Variants in ADPRHL1 observed in about 807,000 individuals in gnomAD.
ADPRHL1 encodes ADP-ribosylhydrolase like 1.
In ADPRHL1, 43 loss-of-function variants were observed where a neutral mutation model predicts 44.1. That is an observed-to-expected ratio of 0.98 (90% CI 0.76 to 1.26). The LOEUF is 1.26. Ranked by LOEUF, ADPRHL1 falls within the 50% of genes most tolerant of loss-of-function variation. ADPRHL1 has a pLI of 0.00. For synonymous variants in ADPRHL1, 878 were observed against 1,017.4 expected, an observed-to-expected ratio of 0.86 and a Z score of 2.61; for missense variants, 2,022 against 2,496.9, an observed-to-expected ratio of 0.81 and a Z score of 4.05.
intron 1 of ADPRHL1, among the ~76,000 whole-genome samples, chr13:113,452,421 A>C (rs1252072565): frequency 6.6e-6 from 1 of 152,206 alleles, no homozygotes; most frequent in Non-Finnish European, 1.5e-5. Context: ...GAGTGAACGC[A>C]TAAGTGAGAT....
intron 7 of ADPRHL1, among the ~76,000 whole-genome samples, chr13:113,419,825 T>C (rs1021378128): frequency 1.3e-5 from 2 of 152,240 alleles, no homozygotes; most frequent in African/African-American, 4.8e-5. Flanking sequence ...ACATATACCA[T>C]GCTTCCTGTT....
chr13:113,405,766 G>A lies in ADPRHL1; in HGVS notation c.3516C>T (p.His1172=), dbSNP rs529870741. The change falls in exon 8 of 8, where the codon CAC becomes CAT. Residue 1172 remains histidine, a synonymous_variant. Coordinates refer to ENST00000612156, the MANE Select transcript of ADPRHL1 (RefSeq NM_001394807.1). ...GEALPRDPHS[H]GLLAPGGSLE... ...AGGATCCCCCAGGGGCCAGGAGGCC[G>A]TGGCTGTGAGGGTCTCGAGGGAGAG... 1.5e-5 allele frequency: 18 copies of A among 1,231,820 alleles called. No individual in the cohort carries two copies. The South Asian group carries it at 2.9e-4, about 20-fold the overall frequency. 76.3% of individuals were successfully genotyped at this position (1,231,820 alleles called of 1,614,324 possible).
chr13:113,450,800 C>T (rs1444704502), intron 1 of ADPRHL1, among the ~76,000 whole-genome samples: 1 of 152,196 alleles, frequency 6.6e-6, no homozygotes, highest in Non-Finnish European at 1.5e-5. Context: ...CAGGATGGAA[C>T]ATGAAGGCAG....
intron 3 of ADPRHL1, among the ~76,000 whole-genome samples, chr13:113,430,023 T>C (rs369385519): frequency 5.3e-5 from 8 of 152,330 alleles, no homozygotes; most frequent in Admixed American, 6.5e-5. Flanking sequence ...TGGGGAAAGA[T>C]GGAGCCAGCG....
intron 7 of ADPRHL1, among the ~76,000 whole-genome samples, chr13:113,408,437 C>A (rs1182648274): frequency 2.0e-5 from 3 of 152,152 alleles, no homozygotes; most frequent in Non-Finnish European, 4.4e-5. Flanking sequence ...GTCACTGTTT[C>A]CTGTTAAATG....
chr13:113,422,746 A>T, intron 7 of ADPRHL1, 80 bp downstream of exon 7: 1 of 1,566,750 alleles, frequency 6.4e-7, no homozygotes, highest in Non-Finnish European at 8.7e-7. Context: ...AGACACCCTC[A>T]CCCAGGGGCT....
chr13:113,444,539 C>T lies in ADPRHL1; in HGVS notation c.265G>A (p.Glu89Lys). ...CGTTCTGGAAGCTTCTCAACGATTT[C>T]CACATAGCATCTCACCATCTCCCGG... The part of the protein sequence containing the change: ...LYREMVRCYV[E>K]IVEKLPERRP... The change falls in exon 2 of 8, where the codon GAA becomes AAA. Residue 89 changes from glutamate to lysine, a missense_variant. Coordinates refer to ENST00000612156, the MANE Select transcript of ADPRHL1 (RefSeq NM_001394807.1). The T allele has an allele frequency of 6.2e-7, 1 of 1,614,194 alleles. No individual in the cohort carries two copies. Among genetic ancestry groups the T allele is most frequent in the Non-Finnish European group, 8.5e-7 (1 of 1,180,046 alleles).
At chr13:113,433,673 G>A (rs975841045) in intron 3 of ADPRHL1, 69 bp downstream of exon 3, 3 of 1,468,574 alleles carry the variant, frequency 2.0e-6, no homozygotes, top group Non-Finnish European at 2.7e-6. Flanking sequence ...CACTTAACCT[G>A]TGAGGTGGTT....
rs536517192 is a variant in ADPRHL1, at chr13:113,441,076, C to T, written c.379+3349G>A. On this transcript the variant is annotated intron_variant, in intron 2 of 7. Coordinates refer to ENST00000612156, the MANE Select transcript of ADPRHL1 (RefSeq NM_001394807.1). The surrounding 1 kb of genome is among the most constrained non-coding windows in gnomAD (Gnocchi z 6.0). ...GTGGAGGCAGGAGAATCAGCTGAAC[C>T]CGGGAAGTAGAGGTTGCAGTGAGCC... 6.6e-6 allele frequency among the ~76,000 whole-genome samples: 1 copy of T among 152,062 alleles called. No homozygotes were observed. Among genetic ancestry groups the T allele is most frequent in the African/African-American group, 2.4e-5 (1 of 41,386 alleles).
intron 6 of ADPRHL1, 130 bp from the exon 7 acceptor site, chr13:113,423,109 C>G (rs761644196): frequency 8.3e-6 from 11 of 1,326,572 alleles, no homozygotes; most frequent in Non-Finnish European, 1.1e-5. Flanking sequence ...AAGGGACAGG[C>G]AGGCCAGCGC....
At chr13:113,417,239 G>A (rs1362431278) in intron 7 of ADPRHL1, among the ~76,000 whole-genome samples, 3 of 152,292 alleles carry the variant, frequency 2.0e-5, no homozygotes, top group African/African-American at 7.2e-5. Context: ...CCAATCTGCA[G>A]GCTGGTCATG....
chr13:113,413,550 C>A (rs2043871101), intron 7 of ADPRHL1, among the ~76,000 whole-genome samples: 1 of 152,236 alleles, frequency 6.6e-6, no homozygotes, highest in African/African-American at 2.4e-5. Context: ...TCGGGGCCTT[C>A]ACTTGCTGTG....
chr13:113,452,030 G>T (rs920426716), intron 1 of ADPRHL1, among the ~76,000 whole-genome samples: 2 of 152,148 alleles, frequency 1.3e-5, no homozygotes, highest in African/African-American at 4.8e-5. Flanking sequence ...TGGTATGAGC[G>T]CACACACGGC....
At chr13:113,422,786 A>T in intron 7 of ADPRHL1, 40 bp downstream of exon 7, 5 of 1,611,162 alleles carry the variant, frequency 3.1e-6, no homozygotes, top group Non-Finnish European at 4.2e-6. Flanking sequence ...CCCGGGGTGG[A>T]ATCGGCTCTC....
chr13:113,441,592 C>G lies in ADPRHL1; in HGVS notation c.379+2833G>C, dbSNP rs1329384773. ...TCTACTTATATTTTATAAACCATAC[C>G]GTTCATTATTATTTTTAAGTCAATT... On this transcript the variant is annotated intron_variant, in intron 2 of 7. Transcript: ENST00000612156. The surrounding 1 kb of genome is among the most constrained non-coding windows in gnomAD (Gnocchi z 6.0). Among the ~76,000 whole-genome samples, 2 of 152,074 alleles carry G rather than the reference C, an allele frequency of 1.3e-5. No homozygotes were observed. The highest frequency in any genetic ancestry group is 4.8e-5 in the African/African-American group (2 of 41,386).
chr13:113,429,203 G>A (rs552741671), intron 3 of ADPRHL1, 111 bp from the exon 4 acceptor site: 28 of 1,410,864 alleles, frequency 2.0e-5, no homozygotes, highest in African/African-American at 2.9e-5. Context: ...CTCGTTTTCC[G>A]TCTTTCCCAT....
intron 7 of ADPRHL1, among the ~76,000 whole-genome samples, chr13:113,415,770 A>AAAAAAAAAAAG (rs1555325970): frequency 4.1e-4 from 54 of 132,854 alleles, no homozygotes; most frequent in African/African-American, 1.5e-3. Context: ...AAAAAAAAAA[A>AAAAAAAAAAAG]AGAGAGAGAG....
In ADPRHL1 at chr13:113,404,594, T is replaced by C; in HGVS notation, c.4688A>G (p.Glu1563Gly). 7.8e-7 allele frequency: 1 copy of C among 1,288,962 alleles called. No individual in the cohort carries two copies. Among genetic ancestry groups the C allele is most frequent in the Non-Finnish European group, 9.8e-7 (1 of 1,022,446 alleles). The allele number at this position is 1,288,962 out of a possible 1,614,324, so 79.8% of individuals were successfully genotyped here. Residue 1563 changes from glutamate (E) to glycine (G), a missense_variant, in exon 8 of 8, where the codon GAG (glutamate) becomes GGG (glycine). This residue lies in a region of ADPRHL1 where 32 missense variants were observed against 72.6 expected (regional missense o/e 0.44). Coordinates refer to ENST00000612156, the MANE Select transcript of ADPRHL1 (RefSeq NM_001394807.1). Reference protein sequence around the residue: ...QEQAQWQTQIEAQGQAQEPAQ... With the variant: ...QEQAQWQTQIGAQGQAQEPAQ... ...TGGTTCCTGTGCCTGCCCCTGGGCCTCTATCTGGGTCTGCCACTGGGCCTG... is the reference window on the plus strand; with the variant it reads ...TGGTTCCTGTGCCTGCCCCTGGGCCCCTATCTGGGTCTGCCACTGGGCCTG...
At chr13:113,418,539 G>A (rs1277444655) in intron 7 of ADPRHL1, among the ~76,000 whole-genome samples, 1 of 152,192 alleles carries the variant, frequency 6.6e-6, no homozygotes, top group East Asian at 1.9e-4. Context: ...TGGGAAAACG[G>A]ATTCATCTAA....
Sources: allele counts gnomAD v4.1 joint callset (sites outside exome capture counted in the v4.1 genomes callset), GRCh38; gene constraint gnomAD v4.1.1; regional missense constraint gnomAD v4.1.1; non-coding constraint Gnocchi (gnomAD v3.1); transcripts MANE v1.5; gene names NCBI Gene and HGNC (gene_info 2026-07-23, HGNC 2026-07-21).